The following KALRN variants were observed in gnomAD, a reference collection of about 807,000 sequenced individuals.
The protein encoded by KALRN is kalirin.
In KALRN, 70 loss-of-function variants were observed where a neutral mutation model predicts 353.7. The observed-to-expected ratio is 0.20, with a 90% CI of 0.16 to 0.24. KALRN has a LOEUF of 0.24. Ranked by LOEUF, KALRN falls within the 10% of genes least tolerant of loss-of-function variation. The pLI is 1.00. For synonymous variants in KALRN, 1,391 were observed against 1,434.8 expected (o/e 0.97, Z 0.69); for missense variants, 2,791 against 3,756.7 (o/e 0.74, Z 6.72).
chr3:124,434,460 C>T lies in KALRN; in HGVS notation c.2983C>T (p.Leu995=), dbSNP rs754485014. 16 of 1,614,242 alleles carry T rather than the reference C, an allele frequency of 9.9e-6. No individual in the cohort carries two copies. The East Asian group carries it at 1.6e-4, about 16-fold the overall frequency. ...GGCCCTCCACTGGCAGCAGCTCATG[C>T]TGAAGATGGAAGACCGGCTAAAATT... ...KVALHWQQLM[L]KMEDRLKLVN... is the part of the protein sequence containing the mutation. Residue 995 remains leucine, a synonymous_variant, in exon 17 of 60, where the codon CTG becomes TTG. Coordinates refer to ENST00000682506, the MANE Select transcript of KALRN (RefSeq NM_001388419.1).
chr3:124,398,983 C>A (rs1242966493), intron 13 of KALRN, 112 bp downstream of exon 13: 2 of 1,126,558 alleles, frequency 1.8e-6, no homozygotes, highest in Non-Finnish European at 1.2e-6. Context: ...ATCCAGCATG[C>A]ATTTTTAGAA....
In KALRN at chr3:124,355,738, C is replaced by T. The variant is rs1292171396; in HGVS notation, c.1770+8473C>T. Reference sequence around the variant, plus strand: ...TTTTTTTTTTTTTTTTTTTTTGAGACAGAGTCTCGCTCTGTCACCCAGGCT... The same window carrying T: ...TTTTTTTTTTTTTTTTTTTTTGAGATAGAGTCTCGCTCTGTCACCCAGGCT... On this transcript the variant is annotated intron_variant, in intron 10 of 59. Coordinates refer to ENST00000682506, the MANE Select transcript of KALRN (RefSeq NM_001388419.1). Among the ~76,000 whole-genome samples, 22 of 75,312 alleles carry T rather than the reference C, an allele frequency of 2.9e-4. No individual in the cohort carries two copies. In the Admixed American group the frequency reaches 3.2e-3, roughly 11 times the overall value. 49.4% of individuals were successfully genotyped at this position (75,312 alleles called of 152,430 possible).
chr3:124,342,629 A>G (rs946430920), intron 9 of KALRN, among the ~76,000 whole-genome samples: 1 of 152,176 alleles, frequency 6.6e-6, no homozygotes, highest in Non-Finnish European at 1.5e-5. Context: ...ATTGGGATTC[A>G]GCTAGATTAA....
At chr3:124,186,265 G>A (rs1034479090) in intron 1 of KALRN, among the ~76,000 whole-genome samples, 11 of 152,108 alleles carry the variant, frequency 7.2e-5, no homozygotes, top group African/African-American at 2.2e-4. Context: ...TGTGTCAGGC[G>A]TCTCTTGAAG....
intron 15 of KALRN, among the ~76,000 whole-genome samples, chr3:124,425,016 T>C (rs2092952769): frequency 6.6e-6 from 1 of 151,990 alleles, no homozygotes; most frequent in South Asian, 2.1e-4. Flanking sequence ...CCTCCAACAT[T>C]ATGTGAAGTG....
intron 2 of KALRN, among the ~76,000 whole-genome samples, chr3:124,233,762 T>A (rs1389099452): frequency 6.6e-6 from 1 of 152,192 alleles, no homozygotes. Flanking sequence ...GGTTCGCACC[T>A]CTCCACTCTC....
chr3:124,414,962 G>A lies in KALRN; in HGVS notation c.2542+1297G>A, dbSNP rs549421007. ...CTGTGTTTCTTTCGATGACCTGAAAGAGTAAAGACCAGCATTCAAAGGGAC... is the reference window on the plus strand; with the variant it reads ...CTGTGTTTCTTTCGATGACCTGAAAAAGTAAAGACCAGCATTCAAAGGGAC... On this transcript the variant is annotated intron_variant, in intron 14 of 59. Coordinates refer to ENST00000682506, the MANE Select transcript of KALRN (RefSeq NM_001388419.1). Among the ~76,000 whole-genome samples, 398 of 152,326 alleles carry A rather than the reference G, an allele frequency of 2.6e-3. 3 individuals carry two copies. Among genetic ancestry groups the A allele is most frequent in the Non-Finnish European group, 4.2e-3 (284 of 68,032 alleles).
At chr3:124,051,029 TG>T (rs2040984139) in intron 1 of KALRN, among the ~76,000 whole-genome samples, 2 of 152,148 alleles carry the variant, frequency 1.3e-5, no homozygotes, top group African/African-American at 2.4e-5. Context: ...AACAATAATT[TG>T]GGGGGAAGAA....
At chr3:124,124,721 G>A (rs1259024371) in intron 1 of KALRN, among the ~76,000 whole-genome samples, 1 of 152,178 alleles carries the variant, frequency 6.6e-6, no homozygotes, top group Non-Finnish European at 1.5e-5. Flanking sequence ...CCACATTGAG[G>A]CAAGACCCTC....
intron 1 of KALRN, among the ~76,000 whole-genome samples, chr3:124,196,348 T>A (rs988052663): frequency 2.0e-5 from 3 of 152,130 alleles, no homozygotes; most frequent in African/African-American, 7.2e-5. Flanking sequence ...GATAATATAA[T>A]AATAATGGGG....
chr3:124,101,982 A>G lies in KALRN; in HGVS notation c.73+68169A>G, dbSNP rs186761213. Among the ~76,000 whole-genome samples, 239 of 152,172 alleles carry G rather than the reference A, an allele frequency of 1.6e-3. 4 individuals are homozygous for G. Among genetic ancestry groups the G allele is most frequent in the Non-Finnish European group, 3.1e-3 (212 of 68,000 alleles). On this transcript the variant is annotated intron_variant, in intron 1 of 59. Coordinates refer to ENST00000682506, the MANE Select transcript of KALRN (RefSeq NM_001388419.1). Reference sequence around the variant, plus strand: ...TTATGACTTGTTCCTTCTTTCTTATATTCAGTGGGAAAAAGAAGAGAAAAG... The same window carrying G: ...TTATGACTTGTTCCTTCTTTCTTATGTTCAGTGGGAAAAAGAAGAGAAAAG...
At chr3:124,658,654 C>A in intron 42 of KALRN, 137 bp downstream of exon 42, 1 of 698,162 alleles carries the variant, frequency 1.4e-6, no homozygotes, top group Non-Finnish European at 2.6e-6. Flanking sequence ...GCAGGAATAG[C>A]TGCCTCAACA....
rs997005086 is a variant in KALRN at position 124,472,953 on chromosome 3, AT to A, written c.4032-1702del. On this transcript the variant is annotated intron_variant, in intron 25 of 59. Coordinates refer to ENST00000682506, the MANE Select transcript of KALRN (RefSeq NM_001388419.1). ...CTGGGTACAGCTAGGAGTCTCCCAG[AT>A]TTTTTTTAAATGGCTTTTTGCTTAT... Among the ~76,000 whole-genome samples, 3 of 152,076 alleles carry A rather than the reference AT, an allele frequency of 2.0e-5. No homozygotes were observed. In the South Asian group the frequency reaches 6.2e-4, roughly 31 times the overall value.
chr3:124,638,778 A>C (rs1188134960), intron 37 of KALRN, among the ~76,000 whole-genome samples: 2 of 152,184 alleles, frequency 1.3e-5, no homozygotes, highest in Non-Finnish European at 2.9e-5. Context: ...CCTCAGGTAC[A>C]TAAGACAACT....
At chr3:124,228,428 A>G (rs944984891) in intron 2 of KALRN, among the ~76,000 whole-genome samples, 9 of 152,114 alleles carry the variant, frequency 5.9e-5, no homozygotes, top group Non-Finnish European at 1.3e-4. Context: ...TTTTTAAAGG[A>G]GTTTTTGCTT....
chr3:124,397,168 G>A (rs951614514), intron 12 of KALRN, among the ~76,000 whole-genome samples: 1 of 152,176 alleles, frequency 6.6e-6, no homozygotes, highest in African/African-American at 2.4e-5. Flanking sequence ...AAGTCCAAGA[G>A]AATAATCACA....
chr3:124,495,022 T>C (rs572237026), intron 32 of KALRN, among the ~76,000 whole-genome samples: 4 of 152,168 alleles, frequency 2.6e-5, no homozygotes, highest in Non-Finnish European at 5.9e-5. Flanking sequence ...TTTCCAGACA[T>C]GCAATCCCTT....
intron 57 of KALRN, among the ~76,000 whole-genome samples, chr3:124,702,551 A>G (rs2062392616): frequency 6.6e-6 from 1 of 152,146 alleles, no homozygotes; most frequent in Non-Finnish European, 1.5e-5. Context: ...CTGATTTCTA[A>G]CTTAATTTGC....
rs192427764 is a variant in KALRN, at chr3:124,610,149, C to A, written c.5183-22271C>A. Among the ~76,000 whole-genome samples the A allele has an allele frequency of 2.3e-3, 343 of 152,222 alleles. 2 individuals carry two copies. The highest frequency in any genetic ancestry group is 7.7e-3 in the African/African-American group (318 of 41,528). ...AAAAAAATTCCCTGCCTTCATGGAG[C>A]TTTTAGTGAGGAGAGTAGGAGCAAC... On this transcript the variant is annotated intron_variant, in intron 34 of 59. Coordinates refer to ENST00000682506, the MANE Select transcript of KALRN (RefSeq NM_001388419.1).
Sources: allele counts gnomAD v4.1 joint callset (sites outside exome capture counted in the v4.1 genomes callset), GRCh38; gene constraint gnomAD v4.1.1; transcripts MANE v1.5; gene names NCBI Gene and HGNC (gene_info 2026-07-23, HGNC 2026-07-21).